Variants in TAAR1 observed in about 807,000 individuals in gnomAD.
TAAR1 encodes the protein trace amine-associated receptor 1.
A neutral mutation model predicts 1.2 loss-of-function variants in TAAR1; 1 was observed. The observed-to-expected ratio is 0.81, with a 90% confidence interval of 0.29 to 3.86. The LOEUF (loss-of-function observed/expected upper bound fraction) is 3.86, where lower values mean the gene tolerates loss of function less well. Among genes scored for constraint, TAAR1 ranks in the 30% most tolerant of loss-of-function variants. TAAR1 has a pLI of 0.18. For missense variants in TAAR1, 445 were observed against 405.6 expected, an observed-to-expected ratio of 1.10 and a Z score of -0.83; for synonymous variants, 153 against 132.2, an observed-to-expected ratio of 1.16 and a Z score of -1.08.
chr6:132,656,722 AAAAGG>A (rs1777807842), intron 1 of TAAR1, among the ~76,000 whole-genome samples: 1 of 152,198 alleles, frequency 6.6e-6, no homozygotes, highest in Non-Finnish European at 1.5e-5. Context: ...TGGTTATTTT[AAAAGG>A]AAAGAAGTTC....
At chr6:132,657,040 G>A (rs1186081712) in intron 1 of TAAR1, among the ~76,000 whole-genome samples, 1 of 152,018 alleles carries the variant, frequency 6.6e-6, no homozygotes, top group Non-Finnish European at 1.5e-5. Context: ...AAATTGAAAG[G>A]GGTTATGTTA....
chr6:132,647,395 T>G (rs944722548), intron 1 of TAAR1, among the ~76,000 whole-genome samples: 2 of 127,454 alleles, frequency 1.6e-5, no homozygotes, highest in Non-Finnish European at 3.3e-5. Context: ...CACACACACA[T>G]ATATAACACA....
In TAAR1 at chr6:132,645,586, T is replaced by C; in HGVS notation, c.418A>G (p.Ile140Val). Reference protein sequence around the residue: ...RYKAKMNILVICVMIFISWSV... With the variant: ...RYKAKMNILVVCVMIFISWSV... ...CAACTAATGAAGATCATCACACAAA[T>C]AACCAAGATATTCATCTTGGCTTTA... The change falls in exon 2 of 2, where the codon ATT becomes GTT. Residue 140 changes from isoleucine to valine, a missense_variant. Coordinates refer to ENST00000275216, the MANE Select transcript of TAAR1 (RefSeq NM_138327.4). 6.2e-7 allele frequency: 1 copy of C among 1,613,580 alleles called. No individual in the cohort carries two copies. The highest frequency in any genetic ancestry group is 8.5e-7 in the Non-Finnish European group (1 of 1,179,806).
intron 1 of TAAR1, among the ~76,000 whole-genome samples, chr6:132,647,733 A>G (rs1209203809): frequency 6.6e-6 from 1 of 152,090 alleles, no homozygotes; most frequent in Non-Finnish European, 1.5e-5. Context: ...AGCTTGGGGA[A>G]GAGTACAAAT....
rs1332854093 is a variant in TAAR1 at position 132,644,278 on chromosome 6, G to A, written c.*706C>T. Among the ~76,000 whole-genome samples the A allele has an allele frequency of 6.6e-6, 1 of 151,506 alleles. No homozygotes were observed. Among genetic ancestry groups the A allele is most frequent in the Non-Finnish European group, 1.5e-5 (1 of 67,834 alleles). On this transcript the variant is annotated 3_prime_UTR_variant, in exon 2 of 2. Transcript: ENST00000275216. The stretch of plus-strand genomic sequence containing the variant: ...CATATGCCCCGACTCCAAAATAAAA[G>A]TTGAAAAAGAGAAATATTAATATAA...
intron 1 of TAAR1, among the ~76,000 whole-genome samples, chr6:132,654,238 C>T (rs1455531513): frequency 6.6e-6 from 1 of 152,194 alleles, no homozygotes; most frequent in African/African-American, 2.4e-5. Context: ...ATAGCAAGAA[C>T]ACACTTTCAA....
rs1268628438 is a variant in TAAR1, at chr6:132,647,637, AAAGAAAGAAAGAAAGAAAG to A, written c.-126-1527_-126-1509del. Among the ~76,000 whole-genome samples the A allele has an allele frequency of 5.6e-5, 7 of 124,788 alleles. 1 individual carries two copies. The highest frequency in any genetic ancestry group is 2.4e-4 in the African/African-American group (6 of 25,328). 81.9% of individuals were successfully genotyped at this position (124,788 alleles called of 152,430 possible). On this transcript the variant is annotated intron_variant, in intron 1 of 1. Coordinates refer to ENST00000275216, the MANE Select transcript of TAAR1 (RefSeq NM_138327.4). ...AGAAAGAAAAAGGAAAGAAAGAAAG[AAAGAAAGAAAGAAAGAAAG>A]AAAGAAAGAAAGAAAGAAAGAAAGA...
At position 132,643,912 on chromosome 6, in the gene TAAR1, T is replaced by C. The variant is rs972005856; in HGVS notation, c.*1072A>G. On this transcript the variant is annotated 3_prime_UTR_variant, in exon 2 of 2. Transcript: ENST00000275216. ...CTTGTTGGCCCTCATGTTTAGCTAC[T>C]TTGATGGATGACTGCTTCTCCTTCT... Among the ~76,000 whole-genome samples the C allele has an allele frequency of 6.6e-6, 1 of 152,000 alleles. No homozygotes were observed. The highest frequency in any genetic ancestry group is 1.9e-4 in the East Asian group (1 of 5,198).
At chr6:132,652,418 T>C (rs1777759142) in intron 1 of TAAR1, among the ~76,000 whole-genome samples, 1 of 150,896 alleles carries the variant, frequency 6.6e-6, no homozygotes. Flanking sequence ...GCAATTCTCC[T>C]GCCTCAACCT....
chr6:132,653,597 T>C (rs1042784583), intron 1 of TAAR1, among the ~76,000 whole-genome samples: 4 of 152,210 alleles, frequency 2.6e-5, no homozygotes, highest in African/African-American at 9.7e-5. Context: ...GACTTTTTGC[T>C]CTAGAACTTT....
intron 1 of TAAR1, among the ~76,000 whole-genome samples, chr6:132,649,606 G>A (rs1479598021): frequency 1.3e-5 from 2 of 152,124 alleles, no homozygotes; most frequent in African/African-American, 2.4e-5. Flanking sequence ...TTACAGTCAT[G>A]GTAGAAGGGG....
Position 132,644,637 on chromosome 6 carries a change from G to A in TAAR1, c.*347C>T, listed in dbSNP as rs1777639067. 6.6e-6 allele frequency among the ~76,000 whole-genome samples: 1 copy of A among 151,974 alleles called. No individual in the cohort carries two copies. The highest frequency in any genetic ancestry group is 2.4e-5 in the African/African-American group (1 of 41,390). On this transcript the variant is annotated 3_prime_UTR_variant, in exon 2 of 2. Coordinates refer to ENST00000275216, the MANE Select transcript of TAAR1 (RefSeq NM_138327.4). ...GTATATGACAAAATCATTCTGATTT[G>A]CATCCTCAAATTCAGCCCTATAGTT...
Position 132,645,855 on chromosome 6 carries a change from T to C in TAAR1, c.149A>G (p.His50Arg). ...GNLIVIVSISHFKQLHTPTNW... is the reference protein window; with the variant it reads ...GNLIVIVSISRFKQLHTPTNW... ...TGTTGGGGTATGAAGTTGTTTGAAGTGTGATATAGAAACAATAACTATCAG... is the reference window on the plus strand; with the variant it reads ...TGTTGGGGTATGAAGTTGTTTGAAGCGTGATATAGAAACAATAACTATCAG... Residue 50 changes from histidine to arginine, a missense_variant, in exon 2 of 2, where the codon CAC (histidine) becomes CGC (arginine). Transcript: ENST00000275216. The C allele has an allele frequency of 6.2e-7, 1 of 1,613,784 alleles. No homozygotes were observed. Among genetic ancestry groups the C allele is most frequent in the Non-Finnish European group, 8.5e-7 (1 of 1,179,772 alleles).
rs558346353 is a variant in TAAR1, at chr6:132,653,407, A to G, written c.-127+5723T>C. Among the ~76,000 whole-genome samples the G allele has an allele frequency of 2.6e-5, 4 of 152,306 alleles. No homozygotes were observed. The South Asian group carries it at 8.3e-4, about 32-fold the overall frequency. The stretch of plus-strand genomic sequence containing the variant: ...ACTAAGAATAAACAAAATGTCTTTG[A>G]CCCAGGCAGAAGCCACTATCTCAAT... On this transcript the variant is annotated intron_variant, in intron 1 of 1. Transcript: ENST00000275216.
In TAAR1 at chr6:132,645,217, A is replaced by G. The variant is rs142169206; in HGVS notation, c.787T>C (p.Cys263Arg). The G allele has an allele frequency of 3.1e-6, 5 of 1,613,646 alleles. No individual in the cohort carries two copies. Among genetic ancestry groups the G allele is most frequent in the Middle Eastern group, 1.7e-4 (1 of 6,058 alleles). ...GTACAGATAAAGAAAGGGCACCAGC[A>G]TATTAGGAAAACTCCCATCACAATC... The part of the protein sequence containing the change: ...LGIVMGVFLI[C>R]WCPFFICTVM... The change falls in exon 2 of 2, where the codon TGC (cysteine) becomes CGC (arginine). Residue 263 changes from cysteine to arginine, a missense_variant. Coordinates refer to ENST00000275216, the MANE Select transcript of TAAR1 (RefSeq NM_138327.4).
chr6:132,648,025 C>G (rs542870726), intron 1 of TAAR1, among the ~76,000 whole-genome samples: 1 of 152,234 alleles, frequency 6.6e-6, no homozygotes, highest in South Asian at 2.1e-4. Flanking sequence ...CACACAGGCT[C>G]ATTCCATGAT....
chr6:132,652,743 T>A (rs75838554), intron 1 of TAAR1, among the ~76,000 whole-genome samples: 3,327 of 151,028 alleles, frequency 0.022, 92 homozygotes, highest in East Asian at 0.11. Flanking sequence ...CCCTTTTCTT[T>A]GGTTTATTTT....
chr6:132,645,820 T>A lies in TAAR1; in HGVS notation c.184A>T (p.Ile62Phe), dbSNP rs1181633710. 7 of 1,613,662 alleles carry A rather than the reference T, an allele frequency of 4.3e-6. No homozygotes were observed. The African/African-American group carries it at 9.3e-5, about 22-fold the overall frequency. Reference protein sequence around the residue: ...KQLHTPTNWLIHSMATVDFLL... With the variant: ...KQLHTPTNWLFHSMATVDFLL... ...AAGTCCACAGTGGCCATGGAATGAATGAGCCAATTTGTTGGGGTATGAAGT... is the reference window on the plus strand; with the variant it reads ...AAGTCCACAGTGGCCATGGAATGAAAGAGCCAATTTGTTGGGGTATGAAGT... The change falls in exon 2 of 2, where the codon ATT becomes TTT. Residue 62 changes from isoleucine (I) to phenylalanine (F), a missense_variant. By Grantham distance (21) the Ile-to-Phe change is conservative. Coordinates refer to ENST00000275216, the MANE Select transcript of TAAR1 (RefSeq NM_138327.4).
rs367691287 is a variant in TAAR1 at position 132,645,528 on chromosome 6, A to T, written c.476T>A (p.Ile159Asn). The T allele has an allele frequency of 3.1e-6, 5 of 1,613,762 alleles. No individual in the cohort carries two copies. In the Admixed American group the frequency reaches 8.3e-5, roughly 27 times the overall value. ...SVPAVFAFGMIFLELNFKGAE... is the reference protein window; with the variant it reads ...SVPAVFAFGMNFLELNFKGAE... Reference sequence around the variant, plus strand: ...GCCTTTGAAGTTTAGCTCCAGAAAGATCATTCCAAATGCAAAAACAGCAGG... The same window carrying T: ...GCCTTTGAAGTTTAGCTCCAGAAAGTTCATTCCAAATGCAAAAACAGCAGG... The change falls in exon 2 of 2, where the codon ATC (isoleucine) becomes AAC (asparagine). Residue 159 changes from isoleucine (I) to asparagine (N), a missense_variant. Transcript: ENST00000275216.
Sources: gnomAD v4.1 joint callset for allele counts (sites outside exome capture counted in the v4.1 genomes callset) on GRCh38, gnomAD v4.1.1 for gene constraint, MANE v1.5 for transcripts, NCBI Gene and HGNC (gene_info 2026-07-23, HGNC 2026-07-21) for gene names.